DOCK1: variants seen among roughly 807,000 people sequenced by gnomAD.
DOCK1 encodes dedicator of cytokinesis protein 1.
DOCK1 carries 138 observed loss-of-function variants against 262.7 expected under a neutral mutation model. That is an observed-to-expected ratio of 0.53 (90% CI 0.46 to 0.61). The LOEUF is 0.61. Among genes scored for constraint, DOCK1 ranks in the 20% least tolerant of loss-of-function variants. DOCK1 has a pLI of 0.00. For synonymous variants in DOCK1, 866 were observed against 867.4 expected (o/e 1.00, Z 0.03); for missense variants, 1,908 against 2,370.7 (o/e 0.80, Z 4.05).
At chr10:127,402,952 A>G in intron 38 of DOCK1, 103 bp from the exon 39 acceptor site, 1 of 1,053,696 alleles carries the variant, frequency 9.5e-7, no homozygotes, top group Non-Finnish European at 1.4e-6. Context: ...TTTCATTCAA[A>G]TGTACTTCTA....
chr10:127,371,924 G>A (rs1008530925), intron 33 of DOCK1, among the ~76,000 whole-genome samples: 4 of 152,104 alleles, frequency 2.6e-5, no homozygotes, highest in Non-Finnish European at 4.4e-5. Flanking sequence ...AGTAAAAATC[G>A]TTAATGTGAG....
intron 28 of DOCK1, among the ~76,000 whole-genome samples, chr10:127,250,919 C>G (rs1266730228): frequency 6.7e-6 from 1 of 148,638 alleles, no homozygotes. Context: ...AAATGTGTTT[C>G]TGTTTGTTAA....
intron 23 of DOCK1, among the ~76,000 whole-genome samples, chr10:127,104,192 A>G (rs996054226): frequency 3.3e-5 from 5 of 152,064 alleles, no homozygotes; most frequent in Non-Finnish European, 5.9e-5. Context: ...CAGATATATG[A>G]TCTCCAGTCA....
At chr10:127,134,856 CTCCTAGGCCG>C (rs2050554372) in intron 27 of DOCK1, among the ~76,000 whole-genome samples, 1 of 152,164 alleles carries the variant, frequency 6.6e-6, no homozygotes, top group Admixed American at 6.5e-5. Context: ...GGCCTCTCCT[CTCCTAGGCCG>C]TCCAGGTGAG....
chr10:127,077,776 G>A (rs1315981790), intron 23 of DOCK1, among the ~76,000 whole-genome samples: 2 of 152,114 alleles, frequency 1.3e-5, no homozygotes, highest in African/African-American at 4.8e-5. Flanking sequence ...TTGCAGGCAA[G>A]ACAAGGACCT....
chr10:127,081,290 G>A (rs1374441958), intron 23 of DOCK1, among the ~76,000 whole-genome samples: 1 of 151,700 alleles, frequency 6.6e-6, no homozygotes, highest in East Asian at 1.9e-4. Context: ...TCTGTCCTCT[G>A]TGCCATTGAA....
intron 27 of DOCK1, chr10:127,145,895 T>G (rs1203103373): frequency 2.2e-6 from 1 of 459,942 alleles, no homozygotes; most frequent in East Asian, 6.1e-5. Flanking sequence ...GTGACCGGTC[T>G]AAACGTCAGC....
chr10:126,974,296 C>G (rs1394047880), intron 2 of DOCK1, among the ~76,000 whole-genome samples: 2 of 152,138 alleles, frequency 1.3e-5, no homozygotes, highest in African/African-American at 4.8e-5. Flanking sequence ...AGGCATTGCC[C>G]AAAGTTGAGG....
chr10:126,917,008 T>C (rs1234650286), intron 1 of DOCK1, among the ~76,000 whole-genome samples: 2 of 143,736 alleles, frequency 1.4e-5, no homozygotes, highest in Non-Finnish European at 3.1e-5. Flanking sequence ...AGAATTCCAG[T>C]TTGTCACAGT....
intron 27 of DOCK1, among the ~76,000 whole-genome samples, chr10:127,140,152 A>G (rs1434272266): frequency 6.6e-6 from 1 of 152,234 alleles, no homozygotes; most frequent in African/African-American, 2.4e-5. Flanking sequence ...TCCTAGGCTA[A>G]CAGTACAATT....
At chr10:126,909,451 T>G (rs952401490) in intron 1 of DOCK1, among the ~76,000 whole-genome samples, 1 of 152,192 alleles carries the variant, frequency 6.6e-6, no homozygotes, top group Non-Finnish European at 1.5e-5. Context: ...TGGGAATTTG[T>G]TACGGCAGCA....
chr10:126,929,605 T>C (rs1417019888), intron 1 of DOCK1, among the ~76,000 whole-genome samples: 1 of 151,894 alleles, frequency 6.6e-6, no homozygotes, highest in East Asian at 1.9e-4. Flanking sequence ...AGGCGCTACC[T>C]GGGCTCCAGC....
chr10:127,108,553 T>C (rs928972114), intron 24 of DOCK1, among the ~76,000 whole-genome samples: 1 of 152,084 alleles, frequency 6.6e-6, no homozygotes, highest in African/African-American at 2.4e-5. Flanking sequence ...GGCATTGTAC[T>C]CCAGCCTGGG....
chr10:127,188,068 G>T (rs1295655152), intron 27 of DOCK1, among the ~76,000 whole-genome samples: 1 of 152,180 alleles, frequency 6.6e-6, no homozygotes, highest in African/African-American at 2.4e-5. Context: ...ATGAGTGAAT[G>T]TCACGGGGGA....
intron 22 of DOCK1, among the ~76,000 whole-genome samples, chr10:127,056,579 G>T (rs186849553): frequency 6.6e-6 from 1 of 151,508 alleles, no homozygotes; most frequent in Non-Finnish European, 1.5e-5. Flanking sequence ...TTCTCTCCTC[G>T]CTTCGTTCTT....
At chr10:127,212,883 C>T (rs2058045662) in intron 27 of DOCK1, among the ~76,000 whole-genome samples, 1 of 149,712 alleles carries the variant, frequency 6.7e-6, no homozygotes, top group South Asian at 2.1e-4. Context: ...TCTTGCTTTT[C>T]AATTCACGTT....
intron 1 of DOCK1, among the ~76,000 whole-genome samples, chr10:126,937,773 T>C (rs2034654023): frequency 6.6e-6 from 1 of 152,142 alleles, no homozygotes. Context: ...GATTTGGAAA[T>C]ATTTTATCCC....
chr10:127,128,262 C>T (rs2050090717), intron 27 of DOCK1, among the ~76,000 whole-genome samples: 1 of 151,158 alleles, frequency 6.6e-6, no homozygotes, highest in South Asian at 2.1e-4. Flanking sequence ...TCCCAGGGTT[C>T]ACTGCTGTCC....
chr10:127,339,063 T>A lies in DOCK1; in HGVS notation c.3102T>A (p.Asp1034Glu). 1 of 1,577,284 alleles carries A rather than the reference T, an allele frequency of 6.3e-7. No homozygotes were observed. The highest frequency in any genetic ancestry group is 2.3e-5 in the East Asian group (1 of 43,266). The change falls in exon 30 of 52, where the codon GAT (aspartate) becomes GAA (glutamate). Residue 1034 changes from aspartate (D) to glutamate (E), a missense_variant. Physicochemically the swap from Asp to Glu is conservative, Grantham distance 45. Coordinates refer to ENST00000623213, the MANE Select transcript of DOCK1 (RefSeq NM_001290223.2). ...YADMLNKKFL[D>E]QANFELQLWN... The stretch of plus-strand genomic sequence containing the variant: ...ATATGCTGAACAAAAAATTTCTGGA[T>A]CAAGCCAACTTTGAGCTACAGGTAA...
Sources: gnomAD v4.1 joint callset for allele counts (sites outside exome capture counted in the v4.1 genomes callset) on GRCh38, gnomAD v4.1.1 for gene constraint, MANE v1.5 for transcripts, NCBI Gene and HGNC (gene_info 2026-07-23, HGNC 2026-07-21) for gene names.